The following GALNT13 variants were observed in gnomAD, a reference collection of about 807,000 sequenced individuals.
GALNT13 encodes the protein UDP-GalNAc:polypeptide N-acetylgalactosaminyltransferase 13.
In GALNT13, 28 loss-of-function variants were observed where a neutral mutation model predicts 64.2. The ratio of observed to expected loss-of-function variants is 0.44; its 90% CI spans 0.32 to 0.60. The LOEUF (loss-of-function observed/expected upper bound fraction) is 0.60, where lower values mean the gene tolerates loss of function less well. Among genes scored for constraint, GALNT13 ranks in the 20% least tolerant of loss-of-function variants. The pLI, the probability that GALNT13 is intolerant of heterozygous loss-of-function variation, is 0.05. For synonymous variants in GALNT13, 214 were observed against 224.6 expected (o/e 0.95, Z 0.42); for missense variants, 577 against 669.8 (o/e 0.86, Z 1.53).
intron 11 of GALNT13, chr2:154,435,801 T>A (rs1371897112): frequency 6.6e-6 from 1 of 152,184 alleles, no homozygotes; most frequent in Non-Finnish European, 1.5e-5. Context: ...CTCTGCAAAG[T>A]ATTTCACATA....
At chr2:153,634,304 CT>C in the GALNT13 span, among the ~76,000 whole-genome samples, 2 of 152,038 alleles carry the variant, frequency 1.3e-5, no homozygotes, top group Non-Finnish European at 2.9e-5. Context: ...CAGAAGAGCA[CT>C]TTTGTTGAAA....
chr2:154,054,210 A>G lies in GALNT13; in HGVS notation c.143-86127A>G, dbSNP rs143842159. 7.0e-3 allele frequency among the ~76,000 whole-genome samples: 1,066 copies of G among 152,096 alleles called. 11 individuals carry two copies. The highest frequency in any genetic ancestry group is 0.024 in the African/African-American group (982 of 41,518). ...CATATAGGATTGTTTCATTTTTATG[A>G]TACAGGTTCACTTCTTTCTCTTCAT... is the stretch of plus-strand genomic sequence containing the variant. On this transcript the variant is annotated intron_variant, in intron 3 of 12. Coordinates refer to ENST00000392825, the MANE Select transcript of GALNT13 (RefSeq NM_052917.4).
chr2:154,199,008 G>A (rs190073937), intron 4 of GALNT13, among the ~76,000 whole-genome samples: 3 of 152,080 alleles, frequency 2.0e-5, no homozygotes, highest in Admixed American at 6.6e-5. Context: ...ATATGTATAT[G>A]TTCAAATGGA....
At chr2:153,905,172 A>G (rs1688474390) in intron 2 of GALNT13, among the ~76,000 whole-genome samples, 1 of 151,938 alleles carries the variant, frequency 6.6e-6, no homozygotes, top group South Asian at 2.1e-4. Context: ...AACAAGAATA[A>G]TTGTTTAGAT....
At chr2:154,012,815 C>G (rs910637607) in intron 3 of GALNT13, among the ~76,000 whole-genome samples, 2 of 152,040 alleles carry the variant, frequency 1.3e-5, no homozygotes, top group African/African-American at 4.8e-5. Flanking sequence ...AGTCTTTGAG[C>G]TCTCAGATTG....
chr2:154,253,043 G>A (rs1038518988), intron 7 of GALNT13, among the ~76,000 whole-genome samples: 1 of 151,972 alleles, frequency 6.6e-6, no homozygotes, highest in Non-Finnish European at 1.5e-5. Flanking sequence ...CTCCTTTTTT[G>A]ATAGATAATA....
intron 3 of GALNT13, among the ~76,000 whole-genome samples, chr2:153,972,473 A>C (rs72866824): frequency 0.07 from 10,701 of 152,106 alleles, 446 homozygotes; most frequent in Middle Eastern, 0.13. Flanking sequence ...ATACTTTTTT[A>C]TGGAAGTCCC....
chr2:154,246,803 T>G (rs1689807212), intron 7 of GALNT13, among the ~76,000 whole-genome samples: 1 of 152,058 alleles, frequency 6.6e-6, no homozygotes, highest in African/African-American at 2.4e-5. Context: ...TGTCAACAGG[T>G]TCTTGGAAAC....
chr2:153,620,298 A>G, the GALNT13 span, among the ~76,000 whole-genome samples: 2 of 151,640 alleles, frequency 1.3e-5, no homozygotes, highest in African/African-American at 4.8e-5. Context: ...TAGTTTTTCT[A>G]TTTTTAGTAG....
the GALNT13 span, among the ~76,000 whole-genome samples, chr2:153,175,405 A>G: frequency 6.6e-6 from 1 of 152,174 alleles, no homozygotes; most frequent in Non-Finnish European, 1.5e-5. Flanking sequence ...AAATTCTTAA[A>G]ACATGCAATC....
At chr2:154,292,772 A>C (rs915108966) in intron 8 of GALNT13, among the ~76,000 whole-genome samples, 2 of 152,208 alleles carry the variant, frequency 1.3e-5, no homozygotes, top group African/African-American at 2.4e-5. Flanking sequence ...TTAATATAAA[A>C]ACAAGCAGCT....
intron 3 of GALNT13, among the ~76,000 whole-genome samples, chr2:154,088,642 G>A (rs1558950919): frequency 6.6e-6 from 1 of 152,052 alleles, no homozygotes; most frequent in African/African-American, 2.4e-5. Flanking sequence ...TAGTAGAGAT[G>A]GGGTTTCCCC....
At chr2:154,256,444 G>A (rs145823837) in intron 7 of GALNT13, among the ~76,000 whole-genome samples, 24 of 152,190 alleles carry the variant, frequency 1.6e-4, no homozygotes, top group African/African-American at 5.5e-4. Flanking sequence ...CACCAATAAA[G>A]GATAAAATGA....
the GALNT13 span, among the ~76,000 whole-genome samples, chr2:153,665,216 A>G: frequency 1.3e-5 from 2 of 152,214 alleles, no homozygotes; most frequent in South Asian, 4.1e-4. Flanking sequence ...GCTTCCTCTT[A>G]TGTCCTGTGG....
chr2:154,222,962 A>T (rs2105825802), intron 4 of GALNT13, among the ~76,000 whole-genome samples: 1 of 152,292 alleles, frequency 6.6e-6, no homozygotes, highest in South Asian at 2.1e-4. Context: ...AGAATAAATT[A>T]AGAAAAAAAT....
At chr2:154,134,734 G>A (rs1682849661) in intron 3 of GALNT13, among the ~76,000 whole-genome samples, 1 of 152,194 alleles carries the variant, frequency 6.6e-6, no homozygotes, top group South Asian at 2.1e-4. Context: ...GCTAACGCCT[G>A]TAATCCCGAC....
intron 3 of GALNT13, among the ~76,000 whole-genome samples, chr2:153,956,226 G>C (rs975690033): frequency 6.6e-6 from 1 of 152,048 alleles, no homozygotes; most frequent in Non-Finnish European, 1.5e-5. Flanking sequence ...CATAATCAGA[G>C]GAGAAAAACT....
At chr2:154,377,583 A>G (rs867803029) in intron 9 of GALNT13, among the ~76,000 whole-genome samples, 2 of 152,186 alleles carry the variant, frequency 1.3e-5, no homozygotes, top group Admixed American at 6.5e-5. Flanking sequence ...AGACTTCGCT[A>G]AAGCCTAGGG....
At chr2:154,293,289 G>A (rs969820199) in intron 8 of GALNT13, among the ~76,000 whole-genome samples, 2 of 152,006 alleles carry the variant, frequency 1.3e-5, no homozygotes, top group African/African-American at 2.4e-5. Context: ...AATAAAATGC[G>A]GTATTCTAAT....
Sources: allele counts gnomAD v4.1 joint callset (sites outside exome capture counted in the v4.1 genomes callset), GRCh38; gene constraint gnomAD v4.1.1; transcripts MANE v1.5; gene names NCBI Gene and HGNC (gene_info 2026-07-23, HGNC 2026-07-21).